The following POC5 variants were observed in gnomAD, a reference collection of about 807,000 sequenced individuals.
POC5 encodes the protein centrosomal protein POC5.
POC5 carries 48 observed loss-of-function variants against 62.9 expected under a neutral mutation model. The observed-to-expected ratio is 0.76, with a 90% CI of 0.61 to 0.97. The LOEUF is 0.97. Ranked by LOEUF, POC5 falls within the 50% of genes least tolerant of loss-of-function variation. The pLI is 0.00. For synonymous variants in POC5, 236 were observed against 228.2 expected (o/e 1.03, Z -0.31); for missense variants, 696 against 679.5 (o/e 1.02, Z -0.27).
intron 9 of POC5, among the ~76,000 whole-genome samples, chr5:75,685,910 C>T (rs550687912): frequency 3.3e-5 from 5 of 152,112 alleles, no homozygotes; most frequent in Non-Finnish European, 7.4e-5. Flanking sequence ...TCTTTAGAAC[C>T]ACTTTCTGAT....
chr5:75,717,215 G>A (rs1475985161), intron 1 of POC5, 91 bp downstream of exon 1: 1 of 152,322 alleles, frequency 6.6e-6, no homozygotes, highest in African/African-American at 2.4e-5. Flanking sequence ...CCCAGGGGGA[G>A]GAAACACGCG....
chr5:75,702,959 A>G (rs1776954186), intron 4 of POC5, 149 bp from the exon 5 acceptor site: 1 of 638,312 alleles, frequency 1.6e-6, no homozygotes. Context: ...ACCTTAATCT[A>G]TTTTTAATTT....
intron 1 of POC5, among the ~76,000 whole-genome samples, chr5:75,716,721 T>C (rs553430315): frequency 1.3e-5 from 2 of 152,366 alleles, no homozygotes; most frequent in African/African-American, 2.4e-5. Flanking sequence ...TGTGCTTCTC[T>C]GTTGCCAGAA....
intron 9 of POC5, among the ~76,000 whole-genome samples, chr5:75,688,331 G>A (rs1006897227): frequency 1.3e-5 from 2 of 152,130 alleles, no homozygotes; most frequent in Non-Finnish European, 2.9e-5. Flanking sequence ...TAGGAAGCAG[G>A]TAAGGAAGGT....
At chr5:75,679,555 T>C (rs1452157975) in intron 10 of POC5, among the ~76,000 whole-genome samples, 2 of 152,146 alleles carry the variant, frequency 1.3e-5, no homozygotes, top group Admixed American at 1.3e-4. Context: ...TGGGGTTTTG[T>C]AATCCTTGGA....
At chr5:75,712,299 T>C in intron 2 of POC5, 3 of 1,412,970 alleles carry the variant, frequency 2.1e-6, no homozygotes, top group Non-Finnish European at 3.0e-6. Context: ...ATCCATATTT[T>C]TGATGATGAA....
intron 10 of POC5, among the ~76,000 whole-genome samples, chr5:75,684,716 T>C (rs1776026401): frequency 6.6e-6 from 1 of 152,148 alleles, no homozygotes; most frequent in Non-Finnish European, 1.5e-5. Flanking sequence ...TTATCACTAC[T>C]ATGACAGCAC....
intron 9 of POC5, among the ~76,000 whole-genome samples, chr5:75,688,200 G>A (rs1428383626): frequency 6.6e-6 from 1 of 152,190 alleles, no homozygotes; most frequent in Non-Finnish European, 1.5e-5. Flanking sequence ...AAAATCTTGA[G>A]ACGTTGACTT....
intron 2 of POC5, among the ~76,000 whole-genome samples, chr5:75,708,177 A>C (rs1777201209): frequency 6.6e-6 from 1 of 152,122 alleles, no homozygotes; most frequent in African/African-American, 2.4e-5. Flanking sequence ...CCTCATCTCT[A>C]CAATAAATTT....
chr5:75,676,329 T>C (rs1468182888), intron 11 of POC5, among the ~76,000 whole-genome samples: 2 of 152,252 alleles, frequency 1.3e-5, no homozygotes, highest in African/African-American at 2.4e-5. Flanking sequence ...CAAAAATATA[T>C]AGAAAAGTCT....
chr5:75,702,566 A>C, intron 5 of POC5, 39 bp downstream of exon 5: 1 of 1,560,026 alleles, frequency 6.4e-7, no homozygotes, highest in Non-Finnish European at 8.7e-7. Flanking sequence ...ATTACATTAC[A>C]TACTAAACAA....
At position 75,707,023 on chromosome 5, in the gene POC5, C is replaced by T. The variant is rs117060994; in HGVS notation, c.223+714G>A. Among the ~76,000 whole-genome samples, 179 of 152,324 alleles carry T rather than the reference C, an allele frequency of 1.2e-3. 1 individual carries two copies. In the East Asian group the frequency reaches 0.03, roughly 26 times the overall value. On this transcript the variant is annotated intron_variant, in intron 3 of 11. Transcript: ENST00000428202. ...CCTCTGAGTAGGCTATGTCATGCGCCTTCAAGGACAGGGATCCTTGGAGTT... is the reference window on the plus strand; with the variant it reads ...CCTCTGAGTAGGCTATGTCATGCGCTTTCAAGGACAGGGATCCTTGGAGTT...
chr5:75,715,227 G>A (rs576001344), intron 1 of POC5, among the ~76,000 whole-genome samples: 22 of 150,410 alleles, frequency 1.5e-4, no homozygotes, highest in Admixed American at 1.4e-3. Context: ...GGAGAATGGC[G>A]TGAACCCGGG....
chr5:75,707,732 A>G lies in POC5; in HGVS notation c.223+5T>C. 6.6e-7 allele frequency: 1 copy of G among 1,519,304 alleles called. No homozygotes were observed. Among genetic ancestry groups the G allele is most frequent in the Non-Finnish European group, 8.9e-7 (1 of 1,120,782 alleles). The allele number at this position is 1,519,304 out of a possible 1,614,324, so 94.1% of individuals were successfully genotyped here. A position where few individuals can be genotyped will look rare whatever the true frequency, so the allele number is the denominator to read the frequency against. The stretch of plus-strand genomic sequence containing the variant: ...TTAAGAGATATCTTGAAAAATATAT[A>G]TAACCTTGACTATGAAGAATATCAT... On this transcript the variant is annotated splice_donor_5th_base_variant and intron_variant, in intron 3 of 11. Coordinates refer to ENST00000428202, the MANE Select transcript of POC5 (RefSeq NM_001099271.2).
intron 1 of POC5, among the ~76,000 whole-genome samples, chr5:75,714,699 T>C (rs1172631453): frequency 6.6e-6 from 1 of 152,052 alleles, no homozygotes; most frequent in Non-Finnish European, 1.5e-5. Flanking sequence ...GAGTGCCATA[T>C]CAGATGAGCT....
chr5:75,703,970 A>G (rs1777012508), intron 4 of POC5, among the ~76,000 whole-genome samples: 1 of 152,026 alleles, frequency 6.6e-6, no homozygotes, highest in African/African-American at 2.4e-5. Flanking sequence ...CCTGGCCAAC[A>G]TGGTAAAACC....
Position 75,674,306 on chromosome 5 carries a change from T to G in POC5, c.*129A>C, listed in dbSNP as rs1775569824. ...CATGGTAGAGCTTGAAAAAGCCTCT[T>G]GTAATTTTGAACAGATGAACATGAT... On this transcript the variant is annotated 3_prime_UTR_variant, in exon 12 of 12. Transcript: ENST00000428202. 1 of 899,096 alleles carries G rather than the reference T, an allele frequency of 1.1e-6. No individual in the cohort carries two copies. Among genetic ancestry groups the G allele is most frequent in the Non-Finnish European group, 1.6e-6 (1 of 619,858 alleles). The allele number at this position is 899,096 out of a possible 1,614,324, so 55.7% of individuals were successfully genotyped here.
At chr5:75,695,084 T>C (rs1421608899) in intron 5 of POC5, among the ~76,000 whole-genome samples, 1 of 152,162 alleles carries the variant, frequency 6.6e-6, no homozygotes, top group Non-Finnish European at 1.5e-5. Context: ...TGTTGTCACT[T>C]AAAAAAATTT....
chr5:75,688,960 T>G, intron 9 of POC5, 52 bp downstream of exon 9: 2 of 1,464,502 alleles, frequency 1.4e-6, no homozygotes, highest in African/African-American at 2.8e-5. Context: ...CACCAAAATC[T>G]CCTCAAATCT....
Sources: allele counts gnomAD v4.1 joint callset (sites outside exome capture counted in the v4.1 genomes callset), GRCh38; gene constraint gnomAD v4.1.1; transcripts MANE v1.5; gene names NCBI Gene and HGNC (gene_info 2026-07-23, HGNC 2026-07-21).